The following ELN variants were observed in gnomAD, a reference collection of about 807,000 sequenced individuals.
The protein encoded by ELN is elastin, also known as tropoelastin.
Under a neutral mutation model 105.8 loss-of-function variants are expected in ELN, and 65 were observed. The ratio of observed to expected loss-of-function variants is 0.61; its 90% CI spans 0.50 to 0.75. ELN has a LOEUF of 0.75. Among genes scored for constraint, ELN ranks in the 30% least tolerant of loss-of-function variants. ELN has a pLI of 0.00. For missense variants in ELN, 882 were observed against 969.4 expected (o/e 0.91, Z 1.20); for synonymous variants, 368 against 389.2 (o/e 0.95, Z 0.64).
In ELN at chr7:74,043,934, G is replaced by C; in HGVS notation, c.469+14G>C. The C allele has an allele frequency of 6.2e-7, 1 of 1,613,938 alleles. No homozygotes were observed. Among genetic ancestry groups the C allele is most frequent in the Middle Eastern group, 1.6e-4 (1 of 6,062 alleles). ...GCGTGCTCCCAGGTGAGAGCAAGGAGGGAAACAGGGACTCTATAGGAAGAA... is the reference window on the plus strand; with the variant it reads ...GCGTGCTCCCAGGTGAGAGCAAGGACGGAAACAGGGACTCTATAGGAAGAA... On this transcript the variant is annotated intron_variant, in intron 9 of 32. Coordinates refer to ENST00000252034, the MANE Select transcript of ELN (RefSeq NM_000501.4).
chr7:74,039,065 T>G (rs967222762), intron 4 of ELN, among the ~76,000 whole-genome samples: 4 of 152,158 alleles, frequency 2.6e-5, no homozygotes, highest in Admixed American at 1.3e-4. Context: ...GTGCTTGGCC[T>G]AGAAGACCCA....
chr7:74,061,749 C>T (rs908130329), intron 26 of ELN, among the ~76,000 whole-genome samples: 9 of 152,186 alleles, frequency 5.9e-5, no homozygotes, highest in Admixed American at 2.6e-4. Flanking sequence ...CTTATGGTGC[C>T]TTCAACCCCT....
At chr7:74,055,810 G>A (rs763320964) in intron 19 of ELN, among the ~76,000 whole-genome samples, 1 of 125,190 alleles carries the variant, frequency 8.0e-6, no homozygotes, top group South Asian at 2.5e-4. Flanking sequence ...TTTTTGAGAC[G>A]GAGTCTTGCT....
Position 74,043,167 on chromosome 7 carries a change from G to C in ELN, c.426G>C (p.Pro142=). 6.3e-7 allele frequency: 1 copy of C among 1,591,804 alleles called. No homozygotes were observed. Among genetic ancestry groups the C allele is most frequent in the South Asian group, 1.1e-5 (1 of 88,618 alleles). ...PGAGVKPGKV[P]GVGLPGVYPG... ...CCGGAGTGAAGCCTGGGAAAGTGCC[G>C]GGTCAGTGCGGAATCCCTGGGGCTG... Residue 142 remains proline (P), a splice_region_variant and synonymous_variant, in exon 8 of 33, where the codon CCG becomes CCC. Transcript: ENST00000252034.
At chr7:74,067,512 C>A (rs1554689902) in intron 32 of ELN, among the ~76,000 whole-genome samples, 1 of 151,624 alleles carries the variant, frequency 6.6e-6, no homozygotes, top group Non-Finnish European at 1.5e-5. Context: ...GTGATCCGCC[C>A]GCCTCGGCCT....
intron 21 of ELN, 23 bp from the exon 22 acceptor site, chr7:74,057,617 A>G: frequency 1.2e-6 from 2 of 1,613,518 alleles, no homozygotes; most frequent in Non-Finnish European, 8.5e-7. Context: ...TTACTCTCTC[A>G]CCCCTTCTCT....
chr7:74,059,875 CA>C lies in ELN; in HGVS notation c.1415-9del, dbSNP rs1796214574. The stretch of plus-strand genomic sequence containing the variant: ...GTCTTGGTTAATGATCAGCTCTTCT[CA>C]ATCTTGCAGGGTTAGTTCCTGGTGT... On this transcript the variant is annotated splice_polypyrimidine_tract_variant and intron_variant, in intron 22 of 32. Transcript: ENST00000252034. The C allele has an allele frequency of 2.6e-6, 3 of 1,144,096 alleles. No homozygotes were observed. The allele number at this position is 1,144,096 out of a possible 1,614,324, so 70.9% of individuals were successfully genotyped here. A position where few individuals can be genotyped will look rare whatever the true frequency, so the allele number is the denominator to read the frequency against.
At chr7:74,041,516 C>T (rs147713671) in intron 5 of ELN, among the ~76,000 whole-genome samples, 133 of 152,224 alleles carry the variant, frequency 8.7e-4, no homozygotes, top group African/African-American at 2.9e-3. Flanking sequence ...CCAAGGGAGT[C>T]GCTTAACTCA....
chr7:74,065,113 G>A (rs1028760061), intron 29 of ELN, among the ~76,000 whole-genome samples: 2 of 152,090 alleles, frequency 1.3e-5, no homozygotes, highest in Non-Finnish European at 2.9e-5. Flanking sequence ...TTAGCTGGGC[G>A]TGGTGTGTGC....
intron 12 of ELN, 79 bp from the exon 13 acceptor site, chr7:74,047,596 G>T (rs1367922884): frequency 6.3e-7 from 1 of 1,594,242 alleles, no homozygotes; most frequent in Non-Finnish European, 8.6e-7. Context: ...CACCTGTGGG[G>T]GTAGATCTGT....
rs1481295224 is a variant in ELN at position 74,043,416 on chromosome 7, GCGA to G, written c.427+250_427+252del. 95 of 714,508 alleles carry G rather than the reference GCGA, an allele frequency of 1.3e-4. 1 individual carries two copies. Among genetic ancestry groups the G allele is most frequent in the Non-Finnish European group, 3.2e-5 (13 of 400,928 alleles). 44.3% of individuals were successfully genotyped at this position (714,508 alleles called of 1,614,324 possible). ...GACGGGCTCTGTGGCAGGCTGTCGG[GCGA>G]CAGATGGGGAAACTGAGGCTCAAAG... On this transcript the variant is annotated intron_variant, in intron 8 of 32. Coordinates refer to ENST00000252034, the MANE Select transcript of ELN (RefSeq NM_000501.4).
At position 74,059,923 on chromosome 7, in the gene ELN, CGTGGCTCCTGGTGTCGGT is replaced by C. The variant is rs782444521; in HGVS notation, c.1464_1481del (p.Val491_Gly496del). ...GTGTCGGCGTGGCTCCTGGAGTTGGCGTGGCTCCTGGTGTCGGTGTGGCTCCTGGAGTTGGCTTGGCTC... is the reference window on the plus strand; with the variant it reads ...GTGTCGGCGTGGCTCCTGGAGTTGGCGTGGCTCCTGGAGTTGGCTTGGCTC... On this transcript the variant is annotated inframe_deletion, in exon 23 of 33. Coordinates refer to ENST00000252034, the MANE Select transcript of ELN (RefSeq NM_000501.4). 29 of 1,564,010 alleles carry C rather than the reference CGTGGCTCCTGGTGTCGGT, an allele frequency of 1.9e-5. No individual in the cohort carries two copies. The South Asian group carries it at 3.2e-4, about 17-fold the overall frequency.
chr7:74,053,629 T>C (rs1486515919), intron 18 of ELN, among the ~76,000 whole-genome samples: 3 of 151,880 alleles, frequency 2.0e-5, no homozygotes, highest in Non-Finnish European at 4.4e-5. Context: ...GATAAAACGG[T>C]AAGTGGGTGG....
In ELN at chr7:74,061,144, G is replaced by A. The variant is rs190070196; in HGVS notation, c.1786+5G>A. On this transcript the variant is annotated splice_donor_5th_base_variant and intron_variant, in intron 26 of 32. Transcript: ENST00000252034. ...CCGCTAAAGCAGCCAAATATGGTGA[G>A]TGCACCCCACAACCACTTGTGGCTC... is the stretch of plus-strand genomic sequence containing the variant. 3.1e-6 allele frequency: 5 copies of A among 1,614,128 alleles called. No homozygotes were observed. The East Asian group carries it at 8.9e-5, about 29-fold the overall frequency.
chr7:74,031,679 G>A (rs868970713), intron 1 of ELN, among the ~76,000 whole-genome samples: 3 of 152,090 alleles, frequency 2.0e-5, no homozygotes, highest in African/African-American at 7.2e-5. Flanking sequence ...CACTTTGGGA[G>A]GCCCACATGG....
intron 4 of ELN, among the ~76,000 whole-genome samples, chr7:74,040,452 C>T (rs1790940668): frequency 6.6e-6 from 1 of 152,208 alleles, no homozygotes; most frequent in Middle Eastern, 3.2e-3. Context: ...GTAACGGAGA[C>T]CACACCCAGG....
At chr7:74,047,372 C>G (rs1339446599) in intron 12 of ELN, among the ~76,000 whole-genome samples, 5 of 152,208 alleles carry the variant, frequency 3.3e-5, no homozygotes, top group African/African-American at 9.7e-5. Context: ...CCGCCCCTAC[C>G]TCTGCAATCA....
At position 74,063,323 on chromosome 7, in the gene ELN, C is replaced by T. The variant is rs781807182; in HGVS notation, c.1872C>T (p.Ala624=). The change falls in exon 28 of 33, where the codon GCC becomes GCT. Residue 624 remains alanine (A), a synonymous_variant. Coordinates refer to ENST00000252034, the MANE Select transcript of ELN (RefSeq NM_000501.4). The surrounding 1 kb of genome is among the most constrained non-coding windows in gnomAD (Gnocchi z 4.1). ...IPGGVVGAGP[A]AAAAAAKAAA... Reference sequence around the variant, plus strand: ...CTGTGTTCCCAGGAGCCGGACCCGCCGCCGCCGCTGCCGCAGCCAAAGCTG... The same window carrying T: ...CTGTGTTCCCAGGAGCCGGACCCGCTGCCGCCGCTGCCGCAGCCAAAGCTG... The T allele has an allele frequency of 7.4e-5, 114 of 1,550,666 alleles. No homozygotes were observed. Among genetic ancestry groups the T allele is most frequent in the East Asian group, 4.4e-4 (18 of 41,312 alleles).
intron 15 of ELN, among the ~76,000 whole-genome samples, chr7:74,050,955 T>C (rs1246975111): frequency 6.6e-6 from 1 of 152,208 alleles, no homozygotes; most frequent in African/African-American, 2.4e-5. Context: ...GGTGCATATA[T>C]AAGCATTTAA....
Sources: gnomAD v4.1 joint callset for allele counts (sites outside exome capture counted in the v4.1 genomes callset) on GRCh38, gnomAD v4.1.1 for gene constraint, Gnocchi (gnomAD v3.1) non-coding constraint, MANE v1.5 for transcripts, NCBI Gene and HGNC (gene_info 2026-07-23, HGNC 2026-07-21) for gene names.